The following DPYSL2 variants were observed in gnomAD, a reference collection of about 807,000 sequenced individuals.
DPYSL2 encodes the protein dihydropyrimidinase like 2.
In DPYSL2, 13 loss-of-function variants were observed where a neutral mutation model predicts 69.9. That is an observed-to-expected ratio of 0.19 (90% CI 0.12 to 0.30). DPYSL2 has a LOEUF of 0.30. Ranked by LOEUF, DPYSL2 falls within the 10% of genes least tolerant of loss-of-function variation. DPYSL2 has a pLI of 1.00. For missense variants in DPYSL2, 587 were observed against 918.9 expected, an observed-to-expected ratio of 0.64 and a Z score of 4.67; for synonymous variants, 326 against 359.1, an observed-to-expected ratio of 0.91 and a Z score of 1.04.
intron 1 of DPYSL2, among the ~76,000 whole-genome samples, chr8:26,581,295 A>G (rs928288609): frequency 4.6e-5 from 7 of 151,290 alleles, no homozygotes; most frequent in East Asian, 1.9e-4. Flanking sequence ...TGGCTTTCCT[A>G]TATGTAGGTG....
intron 1 of DPYSL2, chr8:26,577,711 CGCGCGAAAGGCGCGCTCCCA>C (rs1282818506): frequency 1.2e-4 from 88 of 753,258 alleles, no homozygotes; most frequent in Non-Finnish European, 1.2e-4. Flanking sequence ...CCGAAGAAAG[CGCGCGAAAGGCGCGCTCCCA>C]GCGCGGGCGC....
chr8:26,577,918 C>T, intron 1 of DPYSL2: 1 of 1,157,468 alleles, frequency 8.6e-7, no homozygotes, highest in Non-Finnish European at 1.1e-6. Flanking sequence ...GCATGCGCCA[C>T]GGTGGCCGAC....
At chr8:26,540,868 GCAC>G (rs1800668669) in intron 1 of DPYSL2, among the ~76,000 whole-genome samples, 2 of 146,248 alleles carry the variant, frequency 1.4e-5, no homozygotes, top group South Asian at 4.3e-4. Context: ...TCATGCCATT[GCAC>G]TCCAGCTTTG....
At position 26,617,206 on chromosome 8, in the gene DPYSL2, C is replaced by G. The variant is rs114213881; in HGVS notation, c.629-6937C>G. On this transcript the variant is annotated intron_variant, in intron 3 of 13. Transcript: ENST00000521913. The surrounding 1 kb of genome is among the most constrained non-coding windows in gnomAD (Gnocchi z 4.7). ...GGCAAGATGTTTCCTTTGGGGGAAA[C>G]GGGGTGAAGGGTATGAAGGTTCTCT... 7.9e-5 allele frequency among the ~76,000 whole-genome samples: 12 copies of G among 152,090 alleles called. No homozygotes were observed. The highest frequency in any genetic ancestry group is 2.9e-4 in the African/African-American group (12 of 41,390).
At position 26,639,672 on chromosome 8, in the gene DPYSL2, G is replaced by A. The variant is rs193131266; in HGVS notation, c.1127-3767G>A. On this transcript the variant is annotated intron_variant, in intron 8 of 13. Transcript: ENST00000521913. ...CAATTAGGAGCAACCAACCACTCTCGTTATACTTGTTAATTTTACAAAAAT... is the reference window on the plus strand; with the variant it reads ...CAATTAGGAGCAACCAACCACTCTCATTATACTTGTTAATTTTACAAAAAT... Among the ~76,000 whole-genome samples the A allele has an allele frequency of 3.9e-5, 6 of 152,098 alleles. No homozygotes were observed. The East Asian group carries it at 7.7e-4, about 20-fold the overall frequency.
chr8:26,577,899 G>A, intron 1 of DPYSL2: 2 of 1,145,990 alleles, frequency 1.7e-6, no homozygotes, highest in Non-Finnish European at 2.2e-6. Flanking sequence ...AAAGGGAGTG[G>A]CTGGCGGCGC....
intron 1 of DPYSL2, among the ~76,000 whole-genome samples, chr8:26,528,624 C>T (rs117148548): frequency 0.017 from 2,483 of 145,454 alleles, 26 homozygotes; most frequent in South Asian, 0.055. Flanking sequence ...TCCAGCCTGG[C>T]GACTAAGGGA....
intron 1 of DPYSL2, among the ~76,000 whole-genome samples, chr8:26,529,322 CATCT>C (rs1563375909): frequency 6.6e-6 from 1 of 150,846 alleles, no homozygotes; most frequent in East Asian, 1.9e-4. Context: ...ATCTATCTAT[CATCT>C]ATCTATCTAT....
intron 3 of DPYSL2, among the ~76,000 whole-genome samples, chr8:26,604,687 T>C (rs1309331372): frequency 6.6e-5 from 10 of 151,528 alleles, no homozygotes; most frequent in African/African-American, 2.4e-4. Flanking sequence ...AGAGTCTTGC[T>C]CTGTCACGTA....
At chr8:26,521,372 A>T (rs1808381223) in intron 1 of DPYSL2, among the ~76,000 whole-genome samples, 2 of 152,228 alleles carry the variant, frequency 1.3e-5, no homozygotes. Context: ...CTGCACAGTC[A>T]TCTAACCTCA....
intron 1 of DPYSL2, among the ~76,000 whole-genome samples, chr8:26,552,228 C>T (rs530246102): frequency 6.6e-6 from 1 of 151,922 alleles, no homozygotes; most frequent in Non-Finnish European, 1.5e-5. Flanking sequence ...ATTTGTGGAC[C>T]GCAGCAAAAA....
intron 1 of DPYSL2, among the ~76,000 whole-genome samples, chr8:26,544,805 G>A (rs950136283): frequency 1.6e-4 from 25 of 152,256 alleles, no homozygotes; most frequent in African/African-American, 4.6e-4. Context: ...ACAGTAAAGG[G>A]ATAGAAAAGG....
At position 26,565,021 on chromosome 8, in the gene DPYSL2, G is replaced by T. The variant is rs1801127932; in HGVS notation, c.355-16948G>T. The stretch of plus-strand genomic sequence containing the variant: ...TCCCTCTTATAAGTGAGAACATACA[G>T]TGTTTAGTTTTCCACTCTTGTGTTA... On this transcript the variant is annotated intron_variant, in intron 1 of 13. Coordinates refer to ENST00000521913, the MANE Select transcript of DPYSL2 (RefSeq NM_001197293.3). The surrounding 1 kb of genome is among the most constrained non-coding windows in gnomAD (Gnocchi z 4.1). Among the ~76,000 whole-genome samples, 1 of 152,136 alleles carries T rather than the reference G, an allele frequency of 6.6e-6. No individual in the cohort carries two copies. The highest frequency in any genetic ancestry group is 1.5e-5 in the Non-Finnish European group (1 of 68,044).
In DPYSL2 at chr8:26,571,755, C is replaced by T. The variant is rs773143013; in HGVS notation, c.355-10214C>T. Among the ~76,000 whole-genome samples the T allele has an allele frequency of 5.3e-5, 8 of 152,268 alleles. No homozygotes were observed. The highest frequency in any genetic ancestry group is 2.1e-4 in the South Asian group (1 of 4,830). On this transcript the variant is annotated intron_variant, in intron 1 of 13. Transcript: ENST00000521913. The surrounding 1 kb of genome is among the most constrained non-coding windows in gnomAD (Gnocchi z 6.1). The stretch of plus-strand genomic sequence containing the variant: ...GTTCTAGCCAAAGCAGCGTCTGTTT[C>T]GGAGGGCCAGTCACTGCTGACCCTC...
intron 1 of DPYSL2, among the ~76,000 whole-genome samples, chr8:26,561,348 C>T (rs1801067256): frequency 6.6e-6 from 1 of 152,176 alleles, no homozygotes; most frequent in Admixed American, 6.5e-5. Flanking sequence ...ATCTTTACCT[C>T]CTCCTCAGCT....
chr8:26,547,808 G>C (rs956622017), intron 1 of DPYSL2: 3 of 368,582 alleles, frequency 8.1e-6, no homozygotes, highest in African/African-American at 4.1e-5. Flanking sequence ...TTCCCCTACA[G>C]ATTCTTGCCA....
intron 1 of DPYSL2, among the ~76,000 whole-genome samples, chr8:26,579,922 GA>G (rs1266356768): frequency 3.1e-5 from 2 of 64,100 alleles, no homozygotes; most frequent in African/African-American, 9.9e-5. Flanking sequence ...CGATCAACAA[GA>G]CTTTTTTTTT....
chr8:26,622,845 T>C (rs11774146), intron 3 of DPYSL2, among the ~76,000 whole-genome samples: 19,679 of 152,198 alleles, frequency 0.13, 1,890 homozygotes, highest in African/African-American at 0.27. Context: ...ATTTGAACCA[T>C]TTCAGAAATC....
chr8:26,655,479 G>T, intron 13 of DPYSL2, 136 bp from the exon 14 acceptor site: 1 of 720,122 alleles, frequency 1.4e-6, no homozygotes, highest in South Asian at 2.5e-5. Context: ...CTGGAAAACA[G>T]AGCAAGACGC....
Sources: gnomAD v4.1 joint callset for allele counts (sites outside exome capture counted in the v4.1 genomes callset) on GRCh38, gnomAD v4.1.1 for gene constraint, Gnocchi (gnomAD v3.1) non-coding constraint, MANE v1.5 for transcripts, NCBI Gene and HGNC (gene_info 2026-07-23, HGNC 2026-07-21) for gene names.